Variants in SERINC2 observed in about 807,000 individuals in gnomAD.
SERINC2 encodes tumor differentially expressed protein 2.
Under a neutral mutation model 54.2 loss-of-function variants are expected in SERINC2, and 56 were observed. The observed-to-expected ratio is 1.03, with a 90% CI of 0.83 to 1.29. SERINC2 has a LOEUF of 1.29. Among genes scored for constraint, SERINC2 ranks in the 50% most tolerant of loss-of-function variants. The pLI is 0.00. For synonymous variants in SERINC2, 272 were observed against 253.1 expected, an observed-to-expected ratio of 1.07 and a Z score of -0.71; for missense variants, 614 against 607.4, an observed-to-expected ratio of 1.01 and a Z score of -0.12.
At chr1:31,416,792 C>A (rs1242498051) in intron 1 of SERINC2, among the ~76,000 whole-genome samples, 1 of 152,196 alleles carries the variant, frequency 6.6e-6, no homozygotes, top group Admixed American at 6.5e-5. Context: ...ACCATTCTGG[C>A]TCACTGCAAC....
intron 8 of SERINC2, among the ~76,000 whole-genome samples, chr1:31,431,157 C>T (rs1553134411): frequency 3.3e-5 from 5 of 150,738 alleles, no homozygotes; most frequent in African/African-American, 4.9e-5. Flanking sequence ...CAGGGTCTTC[C>T]TCTGTCACCC....
chr1:31,415,415 A>G (rs949006650), intron 1 of SERINC2, among the ~76,000 whole-genome samples: 3 of 152,096 alleles, frequency 2.0e-5, no homozygotes, highest in African/African-American at 7.2e-5. Context: ...TCACCATGCC[A>G]TCTCATTGGC....
At chr1:31,432,195 A>ACAGG (rs1246443913) in intron 8 of SERINC2, among the ~76,000 whole-genome samples, 5 of 25,152 alleles carry the variant, frequency 2.0e-4, no homozygotes, top group Non-Finnish European at 5.3e-4. Context: ...GGGTGGTTAG[A>ACAGG]GTGGAGAGAG....
intron 1 of SERINC2, among the ~76,000 whole-genome samples, chr1:31,421,737 G>T (rs1465948477): frequency 3.3e-5 from 5 of 152,194 alleles, no homozygotes; most frequent in Admixed American, 1.3e-4. Flanking sequence ...CCCCTCGAGT[G>T]GGTGCCCACC....
At chr1:31,428,457 C>G (rs1414820230) in intron 6 of SERINC2, among the ~76,000 whole-genome samples, 1 of 152,138 alleles carries the variant, frequency 6.6e-6, no homozygotes, top group Admixed American at 6.6e-5. Flanking sequence ...GGTAATATTG[C>G]AATGTGGAAC....
chr1:31,412,421 A>C (rs564559239), upstream of SERINC2, among the ~76,000 whole-genome samples: 68 of 152,234 alleles, frequency 4.5e-4, no homozygotes, highest in South Asian at 9.5e-3. Context: ...GGGAGTGTGT[A>C]GCTCCCAGCA....
intron 1 of SERINC2, among the ~76,000 whole-genome samples, chr1:31,422,791 AG>A (rs1459504254): frequency 6.6e-6 from 1 of 152,032 alleles, no homozygotes; most frequent in Non-Finnish European, 1.5e-5. Flanking sequence ...CAGGAGGGTG[AG>A]TCTCCTTTTC....
intron 8 of SERINC2, among the ~76,000 whole-genome samples, chr1:31,431,835 GGTGGAT>G (rs1641231950): frequency 1.4e-5 from 2 of 145,704 alleles, no homozygotes; most frequent in Non-Finnish European, 3.0e-5. Flanking sequence ...GGGTGGATAG[GGTGGAT>G]AGGGTGGATA....
At chr1:31,424,567 G>C in intron 2 of SERINC2, 116 bp from the exon 3 acceptor site, 2 of 832,440 alleles carry the variant, frequency 2.4e-6, no homozygotes, top group South Asian at 3.7e-5. Flanking sequence ...TCCAGCCCCT[G>C]CTGGGAGAGC....
chr1:31,426,614 C>T (rs782093965), intron 5 of SERINC2, 40 bp from the exon 6 acceptor site: 1 of 1,550,044 alleles, frequency 6.5e-7, no homozygotes, highest in South Asian at 1.2e-5. Context: ...TTCCTCCTGC[C>T]CCACCCACTG....
At chr1:31,411,372 C>T (rs115880618), upstream of SERINC2, among the ~76,000 whole-genome samples, 794 of 152,228 alleles carry the variant, frequency 5.2e-3, 7 homozygotes, top group African/African-American at 0.018. Flanking sequence ...AACGTTTATT[C>T]GACGCTTGAT....
rs1553133026 is a variant in SERINC2 at position 31,423,716 on chromosome 1, C to T, written c.63C>T (p.Ala21=). 3.1e-6 allele frequency: 5 copies of T among 1,611,084 alleles called. No individual in the cohort carries two copies. Among genetic ancestry groups the T allele is most frequent in the South Asian group, 2.2e-5 (2 of 91,080 alleles). The change falls in exon 2 of 10, where the codon GCC becomes GCT. Residue 21 remains alanine (A), a synonymous_variant. Transcript: ENST00000373709. ...LSCASCLCGS[A]PCILCSCCPA... ...AGGCGTCCTGCCTCTGCGGCTCTGC[C>T]CCCTGCATCCTGTGCAGCTGCTGCC...
upstream of SERINC2, chr1:31,410,475 C>T: frequency 6.5e-7 from 1 of 1,549,148 alleles, no homozygotes. Context: ...GAGAGCCCAG[C>T]CGGCCTTGGT....
chr1:31,422,088 C>G (rs1553132784), intron 1 of SERINC2, among the ~76,000 whole-genome samples: 1 of 152,104 alleles, frequency 6.6e-6, no homozygotes, highest in East Asian at 1.9e-4. Context: ...TGCTTGAGCC[C>G]AGGAGTTTGA....
At chr1:31,415,992 C>A in intron 1 of SERINC2, 1 of 812,140 alleles carries the variant, frequency 1.2e-6, no homozygotes, top group Non-Finnish European at 1.5e-6. Flanking sequence ...GATGACTTGG[C>A]TGTCTGCAAA....
At chr1:31,424,450 C>T (rs1324885075) in intron 2 of SERINC2, among the ~76,000 whole-genome samples, 1 of 152,172 alleles carries the variant, frequency 6.6e-6, no homozygotes. Flanking sequence ...TAAACAATAA[C>T]AAGATGTAAC....
chr1:31,417,972 T>C (rs1285904054), intron 1 of SERINC2, among the ~76,000 whole-genome samples: 1 of 148,530 alleles, frequency 6.7e-6, no homozygotes, highest in Non-Finnish European at 1.5e-5. Flanking sequence ...TTCTCTTGCC[T>C]CAGCCTCCCG....
At position 31,425,664 on chromosome 1, in the gene SERINC2, G is replaced by A. The variant is rs1205549166; in HGVS notation, c.473-112G>A. 5.2e-6 allele frequency: 7 copies of A among 1,344,216 alleles called. No homozygotes were observed. In the African/African-American group the frequency reaches 1.0e-4, roughly 19 times the overall value. 83.3% of individuals were successfully genotyped at this position (1,344,216 alleles called of 1,614,324 possible). A position where few individuals can be genotyped will look rare whatever the true frequency, so the allele number is the denominator to read the frequency against. On this transcript the variant is annotated intron_variant, in intron 4 of 9. Coordinates refer to ENST00000373709, the MANE Select transcript of SERINC2 (RefSeq NM_178865.5). ...CGTAGCTAGGGGCTCCCTGAGGGCA[G>A]GGACTCTGTTCTTCTCAGTGTCCCC...
In SERINC2 at chr1:31,428,979, A is replaced by G; in HGVS notation, c.782A>G (p.Asp261Gly). The G allele has an allele frequency of 6.2e-7, 1 of 1,613,500 alleles. No homozygotes were observed. ...TCTTACCAGGGGTCCTCTTGCCAGG[A>G]CGCCCAGCCCAACTCGGGTCTGCTG... ...SIAAVLPKVQDAQPNSGLLQA... is the reference protein window; with the variant it reads ...SIAAVLPKVQGAQPNSGLLQA... Residue 261 changes from aspartate (D) to glycine (G), a missense_variant and splice_region_variant, in exon 7 of 10, where the codon GAC (aspartate) becomes GGC (glycine). Transcript: ENST00000373709.
Sources: allele counts gnomAD v4.1 joint callset (sites outside exome capture counted in the v4.1 genomes callset), GRCh38; gene constraint gnomAD v4.1.1; transcripts MANE v1.5; gene names NCBI Gene and HGNC (gene_info 2026-07-23, HGNC 2026-07-21).